PTPN7: variants seen among roughly 807,000 people sequenced by gnomAD.
The protein encoded by PTPN7 is tyrosine-protein phosphatase non-receptor type 7.
In PTPN7, 33 loss-of-function variants were observed where a neutral mutation model predicts 50.3. The observed-to-expected ratio is 0.66, with a 90% CI of 0.50 to 0.88. The LOEUF (loss-of-function observed/expected upper bound fraction) is 0.88. Ranked by LOEUF, PTPN7 falls within the 40% of genes least tolerant of loss-of-function variation. The probability of loss-of-function intolerance (pLI) is 0.00; values close to 1 mark genes in which losing one functional copy is unlikely to be tolerated. For missense variants in PTPN7, 412 were observed against 475.4 expected, an observed-to-expected ratio of 0.87 and a Z score of 1.24; for synonymous variants, 185 against 186.6, an observed-to-expected ratio of 0.99 and a Z score of 0.07.
intron 2 of PTPN7, 85 bp from the exon 3 acceptor site, chr1:202,158,386 GTC>G: frequency 7.2e-7 from 1 of 1,389,386 alleles, no homozygotes; most frequent in Non-Finnish European, 9.8e-7. Flanking sequence ...TAGAGATAGG[GTC>G]TCTCTCTGTT....
rs1657201833 is a variant in PTPN7 at position 202,160,148 on chromosome 1, GA to G, written c.-53+396del. Among the ~76,000 whole-genome samples, 1 of 152,152 alleles carries G rather than the reference GA, an allele frequency of 6.6e-6. No individual in the cohort carries two copies. Among genetic ancestry groups the G allele is most frequent in the Non-Finnish European group, 1.5e-5 (1 of 68,016 alleles). On this transcript the variant is annotated intron_variant, in intron 1 of 9. Transcript: ENST00000691036. This position sits in a 1 kb window ranked among gnomAD's most constrained non-coding sequence, Gnocchi z 4.8. ...GAGGCGACAGCTGGGGGCAAGACAG[GA>G]GGCATGGAGGTGGTGGGACCATCTC...
intron 5 of PTPN7, 118 bp from the exon 6 acceptor site, chr1:202,154,441 T>C (rs1316839239): frequency 8.2e-7 from 1 of 1,220,294 alleles, no homozygotes; most frequent in Non-Finnish European, 1.1e-6. Flanking sequence ...CGTGTAGACG[T>C]ACACATGCAC....
rs1382266772 is a variant in PTPN7 at position 202,160,442 on chromosome 1, C to G, written c.-53+103G>C. On this transcript the variant is annotated intron_variant, in intron 1 of 9. Transcript: ENST00000691036. The surrounding 1 kb of genome is among the most constrained non-coding windows in gnomAD (Gnocchi z 4.8). ...TACCCCAGCCAGGCACTGTGGCGCC[C>G]CACTCGCCCTCCCGCACTCCCTCCT... 1 of 1,223,312 alleles carries G rather than the reference C, an allele frequency of 8.2e-7. No individual in the cohort carries two copies. Among genetic ancestry groups the G allele is most frequent in the African/African-American group, 1.5e-5 (1 of 66,208 alleles). The allele number at this position is 1,223,312 out of a possible 1,614,324, so 75.8% of individuals were successfully genotyped here. A position where few individuals can be genotyped will look rare whatever the true frequency, so the allele number is the denominator to read the frequency against.
At chr1:202,156,342 G>A (rs1453431558) in intron 4 of PTPN7, among the ~76,000 whole-genome samples, 1 of 152,196 alleles carries the variant, frequency 6.6e-6, no homozygotes, top group Non-Finnish European at 1.5e-5. Flanking sequence ...GAGATGTAGA[G>A]GAAGAAGAAT....
intron 9 of PTPN7, among the ~76,000 whole-genome samples, chr1:202,149,284 A>G (rs112300325): frequency 6.6e-6 from 1 of 152,014 alleles, no homozygotes; most frequent in African/African-American, 2.4e-5. Context: ...TCCTTGATCC[A>G]CTCAGCTCCT....
At chr1:202,158,786 C>CT (rs533403948) in intron 2 of PTPN7, 3,895 of 139,116 alleles carry the variant, frequency 0.028, 75 homozygotes, top group African/African-American at 0.047. Flanking sequence ...TGTGTGCCCT[C>CT]TTTTTTTTTT....
At position 202,152,565 on chromosome 1, in the gene PTPN7, G is replaced by T. The variant is rs768517134; in HGVS notation, c.852C>A (p.Pro284=). The change falls in exon 8 of 10, where the codon CCC becomes CCA. Residue 284 remains proline, a synonymous_variant. Transcript: ENST00000691036. ...VEESPETAAH[P]GPIVVHCSAG... is the part of the protein sequence containing the mutation. ...ACCTGCAGTGGACTACGATAGGCCC[G>T]GGGTGGGCGGCTGTCTCCGGGCTCT... The T allele has an allele frequency of 2.4e-5, 38 of 1,612,874 alleles. No individual in the cohort carries two copies. The highest frequency in any genetic ancestry group is 3.1e-5 in the Non-Finnish European group (37 of 1,179,686).
chr1:202,159,250 C>T lies in PTPN7; in HGVS notation c.122+31G>A, dbSNP rs202145463. The stretch of plus-strand genomic sequence containing the variant: ...AGGAGCGGAATGGGGGCTCAGGGCT[C>T]GGAAGACCCCTCCCCCAGGGAAGAT... On this transcript the variant is annotated intron_variant, in intron 2 of 9. Transcript: ENST00000691036. This position sits in a 1 kb window ranked among gnomAD's most constrained non-coding sequence, Gnocchi z 4.6. 1.3e-5 allele frequency: 21 copies of T among 1,605,028 alleles called. No homozygotes were observed. Among genetic ancestry groups the T allele is most frequent in the East Asian group, 6.7e-5 (3 of 44,816 alleles).
intron 9 of PTPN7, 114 bp downstream of exon 9, chr1:202,150,197 T>C (rs754184341): frequency 2.5e-4 from 198 of 794,466 alleles, no homozygotes; most frequent in Admixed American, 6.2e-4. Flanking sequence ...AGAAAGGGTT[T>C]CTTCCTTTCT....
rs768665712 is a variant in PTPN7, at chr1:202,147,830, G to A, written c.*776C>T. 3 of 152,144 alleles carry A rather than the reference G, an allele frequency of 2.0e-5. No individual in the cohort carries two copies. Among genetic ancestry groups the A allele is most frequent in the Non-Finnish European group, 4.4e-5 (3 of 68,032 alleles). 9.4% of individuals were successfully genotyped at this position (152,144 alleles called of 1,614,324 possible). On this transcript the variant is annotated 3_prime_UTR_variant, in exon 10 of 10. Coordinates refer to ENST00000691036, the MANE Select transcript of PTPN7 (RefSeq NM_002832.4). The stretch of plus-strand genomic sequence containing the variant: ...CTCCCTAAGAGTAGTTGGTGGGAGT[G>A]GCCAGCAACCATGGAGGCAGGAGCA...
chr1:202,159,748 A>AG lies in PTPN7; in HGVS notation c.-52-295dup. 2 of 1,332,678 alleles carry AG rather than the reference A, an allele frequency of 1.5e-6. No individual in the cohort carries two copies. The highest frequency in any genetic ancestry group is 1.9e-6 in the Non-Finnish European group (2 of 1,042,374). 82.6% of individuals were successfully genotyped at this position (1,332,678 alleles called of 1,614,324 possible). A position where few individuals can be genotyped will look rare whatever the true frequency, so the allele number is the denominator to read the frequency against. On this transcript the variant is annotated intron_variant, in intron 1 of 9. Coordinates refer to ENST00000691036, the MANE Select transcript of PTPN7 (RefSeq NM_002832.4). This position sits in a 1 kb window ranked among gnomAD's most constrained non-coding sequence, Gnocchi z 4.6. ...AGAGAGGCCACACACCAGAGTACAC[A>AG]GGGCTCTGAGCAGGTCCAAGTGGGA...
rs548976253 is a variant in PTPN7, at chr1:202,159,859, G to A, written c.-52-405C>T. The A allele has an allele frequency of 2.7e-5, 28 of 1,056,230 alleles. No homozygotes were observed. In the African/African-American group the frequency reaches 3.0e-4, roughly 11 times the overall value. The allele number at this position is 1,056,230 out of a possible 1,614,324, so 65.4% of individuals were successfully genotyped here. On this transcript the variant is annotated intron_variant, in intron 1 of 9. Coordinates refer to ENST00000691036, the MANE Select transcript of PTPN7 (RefSeq NM_002832.4). This position sits in a 1 kb window ranked among gnomAD's most constrained non-coding sequence, Gnocchi z 4.6. ...GAAGCCATCTCTGAGCTAACCAGTG[G>A]GCCTTCCCCTGAACAGAGAATGGAG... is the stretch of plus-strand genomic sequence containing the variant.
In PTPN7 at chr1:202,159,346, C is replaced by T. The variant is rs1657074723; in HGVS notation, c.57G>A (p.Gly19=). The T allele has an allele frequency of 6.2e-7, 1 of 1,614,196 alleles. No individual in the cohort carries two copies. Among genetic ancestry groups the T allele is most frequent in the Non-Finnish European group, 8.5e-7 (1 of 1,180,022 alleles). Residue 19 remains glycine (G), a synonymous_variant, in exon 2 of 10, where the codon GGG becomes GGA. Coordinates refer to ENST00000691036, the MANE Select transcript of PTPN7 (RefSeq NM_002832.4). The surrounding 1 kb of genome is among the most constrained non-coding windows in gnomAD (Gnocchi z 4.6). ...SRAQPLTLSL[G]AAMTQPPPEK... is the part of the protein sequence containing the mutation. ...CAGGCGGAGGCTGGGTCATGGCTGC[C>T]CCCAAAGACAAGGTCAACGGCTGTG...
chr1:202,160,386 G>A lies in PTPN7; in HGVS notation c.-53+159C>T, dbSNP rs546579784. 6.0e-4 allele frequency among the ~76,000 whole-genome samples: 92 copies of A among 152,160 alleles called. 1 individual carries two copies. The highest frequency in any genetic ancestry group is 4.2e-3 in the South Asian group (20 of 4,818). ...CCCTGTGGCTTCCCTGCTCACCCCC[G>A]TCTTGGGGACATCAGGTCTGTGAGC... On this transcript the variant is annotated intron_variant, in intron 1 of 9. Transcript: ENST00000691036. The surrounding 1 kb of genome is among the most constrained non-coding windows in gnomAD (Gnocchi z 4.8).
rs4073458 is a variant in PTPN7 at position 202,159,381 on chromosome 1, G to C, written c.22C>G (p.Arg8Gly). The change falls in exon 2 of 10, where the codon CGC becomes GGC. Residue 8 changes from arginine (R) to glycine (G), a missense_variant. Arg to Gly is a moderately radical substitution (Grantham distance 125, BLOSUM62 -2). Transcript: ENST00000691036. The surrounding 1 kb of genome is among the most constrained non-coding windows in gnomAD (Gnocchi z 4.6). MVQAHGG[R>G]SRAQPLTLSL... The stretch of plus-strand genomic sequence containing the variant: ...AAGGTCAACGGCTGTGCTCTGGAGC[G>C]CCCCCCATGGGCTTGGACCATGCTG... The C allele has an allele frequency of 1.9e-6, 3 of 1,614,186 alleles. No homozygotes were observed. The highest frequency in any genetic ancestry group is 1.7e-5 in the Admixed American group (1 of 60,022).
At chr1:202,157,621 GAGA>G in intron 4 of PTPN7, 115 bp downstream of exon 4, 3 of 896,396 alleles carry the variant, frequency 3.3e-6, no homozygotes, top group Non-Finnish European at 5.3e-6. Context: ...TCTCTGCTGA[GAGA>G]AGATGTGCCA....
intron 5 of PTPN7, among the ~76,000 whole-genome samples, chr1:202,154,533 G>A (rs1656429039): frequency 6.6e-6 from 1 of 152,210 alleles, no homozygotes; most frequent in South Asian, 2.1e-4. Flanking sequence ...GCTGTTTCCT[G>A]GCTGTACCAC....
intron 4 of PTPN7, among the ~76,000 whole-genome samples, chr1:202,157,469 A>G (rs987032981): frequency 6.6e-5 from 10 of 151,724 alleles, no homozygotes; most frequent in Non-Finnish European, 1.3e-4. Flanking sequence ...AGATTGCGCC[A>G]TTGCACTCCA....
At position 202,148,847 on chromosome 1, in the gene PTPN7, C is replaced by CTTTTTTTTTT. The variant is rs10652170; in HGVS notation, c.990-158_990-149dup. On this transcript the variant is annotated intron_variant, in intron 9 of 9. Coordinates refer to ENST00000691036, the MANE Select transcript of PTPN7 (RefSeq NM_002832.4). ...TCCTTTGCCTATATTCATCTTTTCA[C>CTTTTTTTTTT]TTTTTTTTTTTTTTTTTTTTTTTTG... 8.6e-4 allele frequency: 118 copies of CTTTTTTTTTT among 137,534 alleles called. 1 individual carries two copies. The highest frequency in any genetic ancestry group is 1.4e-3 in the African/African-American group (30 of 22,200). 8.5% of individuals were successfully genotyped at this position (137,534 alleles called of 1,614,324 possible). A position where few individuals can be genotyped will look rare whatever the true frequency, so the allele number is the denominator to read the frequency against.
Sources: gnomAD v4.1 joint callset for allele counts (sites outside exome capture counted in the v4.1 genomes callset) on GRCh38, gnomAD v4.1.1 for gene constraint, Gnocchi (gnomAD v3.1) non-coding constraint, MANE v1.5 for transcripts, NCBI Gene and HGNC (gene_info 2026-07-23, HGNC 2026-07-21) for gene names.